The following PCSK5 variants were observed in gnomAD, a reference collection of about 807,000 sequenced individuals.
The protein encoded by PCSK5 is proprotein convertase subtilisin/kexin type 5, also known as prohormone convertase 5.
In PCSK5, 129 loss-of-function variants were observed where a neutral mutation model predicts 233.2. The observed-to-expected ratio is 0.55, with a 90% confidence interval of 0.48 to 0.64. The LOEUF is 0.64. Ranked by LOEUF, PCSK5 falls within the 30% of genes least tolerant of loss-of-function variation. PCSK5 has a pLI of 0.00. For synonymous variants in PCSK5, 825 were observed against 879.2 expected (o/e 0.94, Z 1.09); for missense variants, 2,076 against 2,430.1 (o/e 0.85, Z 3.06).
chr9:75,975,926 G>T (rs1465110751), intron 2 of PCSK5, among the ~76,000 whole-genome samples: 1 of 152,076 alleles, frequency 6.6e-6, no homozygotes, highest in East Asian at 1.9e-4. Context: ...GAGTGAAGCT[G>T]GGGGGAATTC....
At chr9:76,326,428 A>G (rs1829361140) in intron 32 of PCSK5, among the ~76,000 whole-genome samples, 2 of 152,020 alleles carry the variant, frequency 1.3e-5, no homozygotes, top group Non-Finnish European at 2.9e-5. Flanking sequence ...CTTCTCTAAG[A>G]AACACAAGGA....
chr9:76,336,056 T>C (rs1829669320), intron 34 of PCSK5, among the ~76,000 whole-genome samples: 1 of 152,192 alleles, frequency 6.6e-6, no homozygotes, highest in Non-Finnish European at 1.5e-5. Context: ...TCTTGAGTCT[T>C]ATGTGGGCTT....
chr9:76,240,221 G>A (rs1406841572), intron 23 of PCSK5, among the ~76,000 whole-genome samples: 1 of 152,166 alleles, frequency 6.6e-6, no homozygotes, highest in Admixed American at 6.5e-5. Flanking sequence ...GTTTATGAAT[G>A]TAGTAAAAGA....
Position 75,920,301 on chromosome 9 carries a change from T to A in PCSK5, c.193-12078T>A, listed in dbSNP as rs559650830. On this transcript the variant is annotated intron_variant, in intron 1 of 37. Transcript: ENST00000674117. The stretch of plus-strand genomic sequence containing the variant: ...TCTATCACATGTTTTTTGCTTTGGT[T>A]TGTTTTTTAAGAGGTGGGGGTCTCT... 4.1e-4 allele frequency among the ~76,000 whole-genome samples: 62 copies of A among 152,238 alleles called. 1 individual carries two copies. The South Asian group carries it at 0.012, about 31-fold the overall frequency.
At chr9:76,308,388 C>T (rs1362373142) in intron 28 of PCSK5, among the ~76,000 whole-genome samples, 3 of 152,222 alleles carry the variant, frequency 2.0e-5, no homozygotes, top group African/African-American at 7.2e-5. Context: ...TAGAATACCA[C>T]ATTCCTTGTG....
intron 20 of PCSK5, among the ~76,000 whole-genome samples, chr9:76,206,935 C>G (rs1825139233): frequency 1.3e-5 from 2 of 152,140 alleles, no homozygotes; most frequent in East Asian, 3.9e-4. Context: ...TAGGGCCACC[C>G]TACCAGAGGG....
intron 10 of PCSK5, among the ~76,000 whole-genome samples, chr9:76,146,346 GT>G (rs1426905946): frequency 6.6e-6 from 1 of 151,884 alleles, no homozygotes; most frequent in African/African-American, 2.4e-5. Flanking sequence ...TAGCCAAAGC[GT>G]GAATATAAAA....
intron 20 of PCSK5, chr9:76,194,237 C>T (rs1343284076): frequency 1.3e-5 from 2 of 152,064 alleles, no homozygotes; most frequent in Admixed American, 6.6e-5. Context: ...AGCCATTACC[C>T]CCATTTTTTT....
intron 2 of PCSK5, among the ~76,000 whole-genome samples, chr9:75,952,159 C>A (rs1824889736): frequency 1.3e-5 from 2 of 152,162 alleles, no homozygotes; most frequent in South Asian, 4.1e-4. Flanking sequence ...ATGCAGACAT[C>A]CATCCACTTC....
At chr9:76,111,026 G>A (rs7855585) in intron 9 of PCSK5, among the ~76,000 whole-genome samples, 5,384 of 152,068 alleles carry the variant, frequency 0.035, 329 homozygotes, top group African/African-American at 0.12. Flanking sequence ...AGAATTGTTC[G>A]AACCCAGGAG....
chr9:76,128,991 C>T (rs368026640), intron 9 of PCSK5, among the ~76,000 whole-genome samples: 33 of 152,290 alleles, frequency 2.2e-4, no homozygotes, highest in Non-Finnish European at 3.5e-4. Flanking sequence ...ATGATCCTTT[C>T]GGGCTCTTCA....
chr9:76,233,417 G>T lies in PCSK5; in HGVS notation c.2730-43G>T, dbSNP rs537548172. ...TGTTCTGATACTTAGGGCCACTCTG[G>T]AAAGTCACCCTGATGAATTCTAAAA... On this transcript the variant is annotated intron_variant, in intron 21 of 37. Transcript: ENST00000674117. 6.3e-5 allele frequency: 102 copies of T among 1,607,106 alleles called. No homozygotes were observed. In the South Asian group the frequency reaches 1.1e-3, roughly 17 times the overall value.
intron 2 of PCSK5, among the ~76,000 whole-genome samples, chr9:75,962,202 G>GGAA (rs1322317499): frequency 6.6e-6 from 1 of 152,170 alleles, no homozygotes; most frequent in Non-Finnish European, 1.5e-5. Flanking sequence ...GGAGGAGCTG[G>GGAA]GAAGGAGCAT....
chr9:75,928,146 G>A (rs1015429072), intron 1 of PCSK5, among the ~76,000 whole-genome samples: 11 of 152,078 alleles, frequency 7.2e-5, no homozygotes, highest in Admixed American at 7.2e-4. Flanking sequence ...AGCTTTAGAG[G>A]GCTAAGAGGG....
intron 35 of PCSK5, among the ~76,000 whole-genome samples, chr9:76,349,191 G>A (rs1049007048): frequency 1.3e-5 from 2 of 148,344 alleles, no homozygotes; most frequent in South Asian, 2.1e-4. Context: ...GGAGAATGGC[G>A]TCAACCCAGG....
chr9:76,355,764 C>A (rs2131532017), intron 37 of PCSK5, among the ~76,000 whole-genome samples: 2 of 151,878 alleles, frequency 1.3e-5, no homozygotes, highest in Non-Finnish European at 2.9e-5. Flanking sequence ...AGTGCAATGG[C>A]ACAATCTCGG....
chr9:76,253,294 G>T (rs916642448), intron 24 of PCSK5, among the ~76,000 whole-genome samples: 3 of 151,700 alleles, frequency 2.0e-5, no homozygotes, highest in Non-Finnish European at 4.4e-5. Flanking sequence ...TCAGAGGAAG[G>T]TTTAGAATAT....
At position 76,243,048 on chromosome 9, in the gene PCSK5, T is replaced by C. The variant is rs1032469099; in HGVS notation, c.3142+2364T>C. 6.6e-5 allele frequency among the ~76,000 whole-genome samples: 10 copies of C among 152,196 alleles called. No homozygotes were observed. The East Asian group carries it at 1.7e-3, about 26-fold the overall frequency. ...TCACTAGGTGTTCGCATTGGCCTCATTCTCCACTTAGCTGACCCAGCTAAA... is the reference window on the plus strand; with the variant it reads ...TCACTAGGTGTTCGCATTGGCCTCACTCTCCACTTAGCTGACCCAGCTAAA... On this transcript the variant is annotated intron_variant, in intron 24 of 37. Coordinates refer to ENST00000674117, the MANE Select transcript of PCSK5 (RefSeq NM_001372043.1).
chr9:75,891,131 T>C lies in PCSK5; in HGVS notation c.-51T>C. On this transcript the variant is annotated 5_prime_UTR_variant, in exon 1 of 38. Coordinates refer to ENST00000674117, the MANE Select transcript of PCSK5 (RefSeq NM_001372043.1). ...CCGGAGAAGTTAGTTGTGCGCGCCC[T>C]TAGTGCGCGGAACCAGCCAGCGAGC... 7.1e-7 allele frequency: 1 copy of C among 1,406,256 alleles called. No individual in the cohort carries two copies. The highest frequency in any genetic ancestry group is 3.2e-5 in the Admixed American group (1 of 31,460). The allele number at this position is 1,406,256 out of a possible 1,614,324, so 87.1% of individuals were successfully genotyped here.
Sources: gnomAD v4.1 joint callset for allele counts (sites outside exome capture counted in the v4.1 genomes callset) on GRCh38, gnomAD v4.1.1 for gene constraint, MANE v1.5 for transcripts, NCBI Gene and HGNC (gene_info 2026-07-23, HGNC 2026-07-21) for gene names.